Variants in RASEF observed in about 807,000 individuals in gnomAD.
RASEF encodes the protein ras and EF-hand domain-containing protein.
Under a neutral mutation model 90.1 loss-of-function variants are expected in RASEF, and 68 were observed. That is an observed-to-expected ratio of 0.75 (90% confidence interval 0.62 to 0.92). The LOEUF is 0.92. RASEF is among the 40% of genes least tolerant of loss of function. The probability of loss-of-function intolerance (pLI) is 0.00; values close to 1 mark genes in which losing one functional copy is unlikely to be tolerated. For synonymous variants in RASEF, 331 were observed against 345.2 expected, an observed-to-expected ratio of 0.96 and a Z score of 0.46; for missense variants, 949 against 937.2, an observed-to-expected ratio of 1.01 and a Z score of -0.16.
the RASEF span, among the ~76,000 whole-genome samples, chr9:83,123,237 C>CAAAAAAAAAA: frequency 1.2e-5 from 1 of 83,428 alleles, no homozygotes; most frequent in Non-Finnish European, 2.4e-5. Context: ...GAGACTCCAT[C>CAAAAAAAAAA]AAAAAAAAAA....
chr9:83,060,827 C>T (rs1830190507), intron 1 of RASEF, among the ~76,000 whole-genome samples: 1 of 152,148 alleles, frequency 6.6e-6, no homozygotes. Context: ...CACAAGTCTA[C>T]CAGGTGACAC....
chr9:83,042,897 G>A (rs1167624031), intron 1 of RASEF, among the ~76,000 whole-genome samples: 1 of 152,208 alleles, frequency 6.6e-6, no homozygotes, highest in Non-Finnish European at 1.5e-5. Context: ...ACTGAGAATA[G>A]TAAAATGTCA....
the RASEF span, among the ~76,000 whole-genome samples, chr9:83,068,822 G>T: frequency 6.6e-6 from 1 of 152,210 alleles, no homozygotes; most frequent in Non-Finnish European, 1.5e-5. Flanking sequence ...AAAAAACGGG[G>T]AAGGAGGTAA....
the RASEF span, among the ~76,000 whole-genome samples, chr9:83,080,321 G>A: frequency 1.3e-5 from 2 of 152,350 alleles, no homozygotes; most frequent in East Asian, 3.9e-4. Flanking sequence ...CAGATGGTAA[G>A]AATGGAAATG....
the RASEF span, among the ~76,000 whole-genome samples, chr9:83,178,847 T>G: frequency 2.0e-5 from 3 of 152,262 alleles, no homozygotes; most frequent in African/African-American, 7.2e-5. Context: ...ACAATGCCCC[T>G]GCCTAGTTGA....
chr9:83,063,000 A>G lies in RASEF; in HGVS notation c.-133T>C. 1.0e-6 allele frequency: 1 copy of G among 988,224 alleles called. No individual in the cohort carries two copies. The highest frequency in any genetic ancestry group is 1.4e-6 in the Non-Finnish European group (1 of 728,674). 61.2% of individuals were successfully genotyped at this position (988,224 alleles called of 1,614,324 possible). On this transcript the variant is annotated 5_prime_UTR_variant, in exon 1 of 17. Transcript: ENST00000376447. ...CTCGTCCGGCTGGTTCGGCCACTTGAGGGAACGTCGGGCGGGGCGAGGAAC... is the reference window on the plus strand; with the variant it reads ...CTCGTCCGGCTGGTTCGGCCACTTGGGGGAACGTCGGGCGGGGCGAGGAAC...
At chr9:83,206,847 G>C in the RASEF span, among the ~76,000 whole-genome samples, 2 of 152,084 alleles carry the variant, frequency 1.3e-5, no homozygotes, top group Non-Finnish European at 2.9e-5. Flanking sequence ...CACCTCCAGA[G>C]CTGCCTCTTT....
At chr9:83,087,882 T>C in the RASEF span, among the ~76,000 whole-genome samples, 6 of 152,264 alleles carry the variant, frequency 3.9e-5, no homozygotes, top group African/African-American at 1.4e-4. Flanking sequence ...ATTTAATATA[T>C]AGAATAAATT....
At chr9:83,144,182 G>C in the RASEF span, among the ~76,000 whole-genome samples, 1 of 151,632 alleles carries the variant, frequency 6.6e-6, no homozygotes, top group Non-Finnish European at 1.5e-5. Flanking sequence ...GATGGGGACA[G>C]GGGAAGGGAG....
intron 3 of RASEF, among the ~76,000 whole-genome samples, chr9:83,016,796 T>C (rs1829350266): frequency 6.6e-6 from 1 of 152,158 alleles, no homozygotes; most frequent in South Asian, 2.1e-4. Flanking sequence ...TGCTCCCACA[T>C]CTGAATACCT....
the RASEF span, among the ~76,000 whole-genome samples, chr9:83,189,099 T>A: frequency 6.6e-6 from 1 of 152,216 alleles, no homozygotes; most frequent in Non-Finnish European, 1.5e-5. Flanking sequence ...AATCTCATCT[T>A]GAATTGTAGT....
chr9:82,983,050 A>G (rs971904196), intron 16 of RASEF, among the ~76,000 whole-genome samples: 4 of 151,814 alleles, frequency 2.6e-5, no homozygotes, highest in Non-Finnish European at 5.9e-5. Context: ...ACATGACTAC[A>G]GAAGTGGGAT....
At chr9:83,129,738 C>A in the RASEF span, among the ~76,000 whole-genome samples, 1 of 152,186 alleles carries the variant, frequency 6.6e-6, no homozygotes, top group Non-Finnish European at 1.5e-5. Flanking sequence ...CAATACCTTC[C>A]TCCTCAAATC....
chr9:83,157,182 G>C, the RASEF span, among the ~76,000 whole-genome samples: 26 of 152,312 alleles, frequency 1.7e-4, no homozygotes, highest in East Asian at 4.4e-3. Flanking sequence ...ACTAAGATCT[G>C]TGGGAAACGT....
chr9:83,205,913 C>T, the RASEF span, among the ~76,000 whole-genome samples: 1 of 152,080 alleles, frequency 6.6e-6, no homozygotes, highest in Non-Finnish European at 1.5e-5. Context: ...GCTGGTCATT[C>T]TGAATATCAT....
the RASEF span, among the ~76,000 whole-genome samples, chr9:83,080,708 A>T: frequency 1.3e-5 from 2 of 152,214 alleles, no homozygotes; most frequent in African/African-American, 4.8e-5. Context: ...TGTTAATAAC[A>T]GAAAAATTTC....
chr9:83,218,806 T>C, the RASEF span, among the ~76,000 whole-genome samples: 2 of 152,154 alleles, frequency 1.3e-5, no homozygotes, highest in South Asian at 4.1e-4. Flanking sequence ...AAGGTGAGAC[T>C]GGACAGTCAA....
At chr9:83,063,143 G>A (rs937848030), upstream of RASEF, 6 of 424,718 alleles carry the variant, frequency 1.4e-5, no homozygotes, top group Admixed American at 1.4e-4. Flanking sequence ...TCCTGCGACT[G>A]AGCGCCCAAG....
the RASEF span, among the ~76,000 whole-genome samples, chr9:83,214,343 C>T: frequency 6.6e-6 from 1 of 152,090 alleles, no homozygotes; most frequent in Non-Finnish European, 1.5e-5. Flanking sequence ...CAAGATCATG[C>T]CACTGCATTC....
Sources: gnomAD v4.1 joint callset for allele counts (sites outside exome capture counted in the v4.1 genomes callset) on GRCh38, gnomAD v4.1.1 for gene constraint, MANE v1.5 for transcripts, NCBI Gene and HGNC (gene_info 2026-07-23, HGNC 2026-07-21) for gene names.